CMSS1: variants seen among roughly 807,000 people sequenced by gnomAD.
The protein encoded by CMSS1 is cms1 ribosomal small subunit homolog.
A neutral mutation model predicts 43.5 loss-of-function variants in CMSS1; 33 were observed. That is an observed-to-expected ratio of 0.76 (90% CI 0.57 to 1.01). The LOEUF is 1.01. CMSS1 is among the 50% of genes least tolerant of loss of function. The pLI is 0.00. For synonymous variants in CMSS1, 115 were observed against 117.2 expected (o/e 0.98, Z 0.12); for missense variants, 313 against 326.4 (o/e 0.96, Z 0.32).
At chr3:99,932,829 T>A (rs1397440702) in intron 1 of CMSS1, among the ~76,000 whole-genome samples, 1 of 152,168 alleles carries the variant, frequency 6.6e-6, no homozygotes, top group Non-Finnish European at 1.5e-5. Context: ...AGGCCGAGGT[T>A]GCATTGAGCC....
At position 100,162,417 on chromosome 3, in the gene CMSS1, G is replaced by A. The variant is rs1309423923; in HGVS notation, c.340G>A (p.Glu114Lys). 1 of 1,612,254 alleles carries A rather than the reference G, an allele frequency of 6.2e-7. No homozygotes were observed. Among genetic ancestry groups the A allele is most frequent in the Admixed American group, 1.7e-5 (1 of 59,862 alleles). Residue 114 changes from glutamate (E) to lysine (K), a missense_variant, in exon 4 of 10, where the codon GAA becomes AAA. Glu to Lys is a moderately conservative substitution (Grantham distance 56). Transcript: ENST00000421999. ...CAGACGCTTGGTGATTGAATTAGAA[G>A]AACTGAACCTGCCAGGTATAGCCAA... ...SSRRLVIELE[E>K]LNLPDSCFLK...
chr3:99,990,104 A>G (rs1709468975), intron 1 of CMSS1, among the ~76,000 whole-genome samples: 1 of 152,192 alleles, frequency 6.6e-6, no homozygotes, highest in Non-Finnish European at 1.5e-5. Context: ...AAATATATTG[A>G]ACTTATATTT....
chr3:99,821,504 T>A (rs892009819), intron 1 of CMSS1, among the ~76,000 whole-genome samples: 2 of 152,230 alleles, frequency 1.3e-5, no homozygotes, highest in African/African-American at 4.8e-5. Context: ...CCAGGAATCA[T>A]CTAATGGCAT....
At chr3:99,996,636 TG>T in intron 1 of CMSS1, among the ~76,000 whole-genome samples, 1 of 152,250 alleles carries the variant, frequency 6.6e-6, no homozygotes, top group African/African-American at 2.4e-5. Context: ...TCCACATGTC[TG>T]GGGAGTCCTC....
intron 1 of CMSS1, among the ~76,000 whole-genome samples, chr3:99,860,552 G>C (rs546568294): frequency 1.3e-5 from 2 of 152,182 alleles, no homozygotes; most frequent in South Asian, 4.1e-4. Context: ...AGGCCAGTCT[G>C]AGGGTCCACA....
At chr3:99,884,315 A>G (rs574519203) in intron 1 of CMSS1, among the ~76,000 whole-genome samples, 5 of 152,300 alleles carry the variant, frequency 3.3e-5, no homozygotes, top group African/African-American at 1.2e-4. Context: ...TAGAACAACA[A>G]TAATAGAAAG....
chr3:100,115,033 A>G, intron 1 of CMSS1: 1 of 1,388,444 alleles, frequency 7.2e-7, no homozygotes. Context: ...ATTTTGTTTT[A>G]TATTATTCAA....
At chr3:100,147,274 T>TC (rs1559771202) in intron 2 of CMSS1, among the ~76,000 whole-genome samples, 3 of 147,200 alleles carry the variant, frequency 2.0e-5, no homozygotes, top group Non-Finnish European at 4.5e-5. Flanking sequence ...TCTTTTTTTT[T>TC]TTTTTTTTTT....
intron 1 of CMSS1, among the ~76,000 whole-genome samples, chr3:100,028,176 T>C (rs2064961583): frequency 6.6e-6 from 1 of 152,210 alleles, no homozygotes; most frequent in Non-Finnish European, 1.5e-5. Context: ...AGTTAATTCT[T>C]ACATCATTCC....
intron 1 of CMSS1, among the ~76,000 whole-genome samples, chr3:99,912,083 G>GT (rs2107640105): frequency 6.6e-6 from 1 of 152,120 alleles, no homozygotes; most frequent in South Asian, 2.1e-4. Context: ...ATCATCAATA[G>GT]TTTTATATCT....
At chr3:100,072,625 G>A (rs2065782087) in intron 1 of CMSS1, among the ~76,000 whole-genome samples, 1 of 152,234 alleles carries the variant, frequency 6.6e-6, no homozygotes, top group Admixed American at 6.5e-5. Context: ...AGCTGGTACA[G>A]TCTTCTTTGC....
intron 1 of CMSS1, among the ~76,000 whole-genome samples, chr3:99,819,465 T>A (rs1942388184): frequency 6.6e-6 from 1 of 152,244 alleles, no homozygotes; most frequent in African/African-American, 2.4e-5. Context: ...GTATCTATTA[T>A]GTGACAAATG....
At position 100,161,143 on chromosome 3, in the gene CMSS1, A is replaced by G. The variant is rs531376156; in HGVS notation, c.225+642A>G. ...CAGCAGTGTAATTCTCTCCCTGCCAAGAGGGGTCTGCTGCTGAAGTCAGCC... is the reference window on the plus strand; with the variant it reads ...CAGCAGTGTAATTCTCTCCCTGCCAGGAGGGGTCTGCTGCTGAAGTCAGCC... On this transcript the variant is annotated intron_variant, in intron 3 of 9. Coordinates refer to ENST00000421999, the MANE Select transcript of CMSS1 (RefSeq NM_032359.4). 3.9e-5 allele frequency among the ~76,000 whole-genome samples: 6 copies of G among 152,316 alleles called. No homozygotes were observed. The South Asian group carries it at 1.2e-3, about 32-fold the overall frequency.
At chr3:100,013,856 G>T (rs1001506443) in intron 1 of CMSS1, among the ~76,000 whole-genome samples, 1 of 152,044 alleles carries the variant, frequency 6.6e-6, no homozygotes, top group African/African-American at 2.4e-5. Context: ...CAATTTTCAA[G>T]TGTACAATAT....
At chr3:99,845,918 A>C (rs1330044896) in intron 1 of CMSS1, among the ~76,000 whole-genome samples, 2 of 152,216 alleles carry the variant, frequency 1.3e-5, no homozygotes, top group Non-Finnish European at 2.9e-5. Flanking sequence ...GTTATGTTAG[A>C]TTAACTACTT....
At chr3:99,928,314 T>C (rs1160073595) in intron 1 of CMSS1, among the ~76,000 whole-genome samples, 1 of 152,196 alleles carries the variant, frequency 6.6e-6, no homozygotes, top group Non-Finnish European at 1.5e-5. Context: ...CGTGGAGTTA[T>C]TTTGGCTTCG....
intron 1 of CMSS1, among the ~76,000 whole-genome samples, chr3:100,015,724 A>C (rs1228816317): frequency 2.6e-5 from 4 of 152,162 alleles, no homozygotes; most frequent in Non-Finnish European, 1.5e-5. Flanking sequence ...TGCTTTCATC[A>C]AGCTGTAAGT....
chr3:100,159,864 TC>T, intron 2 of CMSS1: 1 of 456,536 alleles, frequency 2.2e-6, no homozygotes, highest in Non-Finnish European at 4.4e-6. Flanking sequence ...GCAAAGACAT[TC>T]ATTTTGTAGT....
chr3:99,865,362 A>G (rs1325354855), intron 1 of CMSS1, among the ~76,000 whole-genome samples: 1 of 152,078 alleles, frequency 6.6e-6, no homozygotes, highest in Admixed American at 6.5e-5. Context: ...CTCATATATT[A>G]TATCTCATGA....
Sources: gnomAD v4.1 joint callset for allele counts (sites outside exome capture counted in the v4.1 genomes callset) on GRCh38, gnomAD v4.1.1 for gene constraint, MANE v1.5 for transcripts, NCBI Gene and HGNC (gene_info 2026-07-23, HGNC 2026-07-21) for gene names.